Variants in PRKCE observed in about 807,000 individuals in gnomAD.
PRKCE encodes protein kinase C epsilon type.
In PRKCE, 16 loss-of-function variants were observed where a neutral mutation model predicts 85.4. That is an observed-to-expected ratio of 0.19 (90% CI 0.13 to 0.28). The LOEUF is 0.28. Ranked by LOEUF, PRKCE falls within the 10% of genes least tolerant of loss-of-function variation. The pLI, the probability that PRKCE is intolerant of heterozygous loss-of-function variation, is 1.00. For synonymous variants in PRKCE, 388 were observed against 371.5 expected (o/e 1.04, Z -0.51); for missense variants, 573 against 975.2 (o/e 0.59, Z 5.49).
intron 2 of PRKCE, among the ~76,000 whole-genome samples, chr2:45,883,472 G>A (rs1278699348): frequency 6.6e-6 from 1 of 152,224 alleles, no homozygotes; most frequent in Non-Finnish European, 1.5e-5. Flanking sequence ...TCCTAGAGGT[G>A]AGTTCCCCGT....
At chr2:45,866,640 G>A (rs998883490) in intron 2 of PRKCE, among the ~76,000 whole-genome samples, 6 of 152,234 alleles carry the variant, frequency 3.9e-5, no homozygotes, top group Non-Finnish European at 5.9e-5. Flanking sequence ...TGGCGGGGAA[G>A]CAGGCGACGG....
At chr2:45,747,716 T>C (rs6760916) in intron 1 of PRKCE, among the ~76,000 whole-genome samples, 109,687 of 152,108 alleles carry the variant, frequency 0.72, 39,837 homozygotes, top group South Asian at 0.8. Flanking sequence ...TTTGGGTACA[T>C]ACTAGAAGCA....
At chr2:45,687,971 C>A (rs1001287136) in intron 1 of PRKCE, among the ~76,000 whole-genome samples, 1 of 152,146 alleles carries the variant, frequency 6.6e-6, no homozygotes, top group African/African-American at 2.4e-5. Flanking sequence ...AGAGTTGGAG[C>A]GTTAGCACCC....
intron 1 of PRKCE, among the ~76,000 whole-genome samples, chr2:45,681,038 C>G (rs1220423022): frequency 3.3e-5 from 5 of 152,042 alleles, no homozygotes; most frequent in Non-Finnish European, 5.9e-5. Flanking sequence ...CGCCTGTAAT[C>G]CCAGCACTTT....
chr2:45,656,952 T>C (rs1255060536), intron 1 of PRKCE, among the ~76,000 whole-genome samples: 1 of 152,226 alleles, frequency 6.6e-6, no homozygotes, highest in Admixed American at 6.5e-5. Context: ...GGGATTCATG[T>C]TAGAAGCAGA....
chr2:45,784,445 G>C (rs747179201), intron 1 of PRKCE, among the ~76,000 whole-genome samples: 1 of 152,208 alleles, frequency 6.6e-6, no homozygotes, highest in Admixed American at 6.5e-5. Flanking sequence ...GGGATTTGCC[G>C]GAGAAACTTT....
At chr2:45,960,115 ATGCT>A (rs1407836697) in intron 2 of PRKCE, among the ~76,000 whole-genome samples, 1 of 152,216 alleles carries the variant, frequency 6.6e-6, no homozygotes, top group East Asian at 1.9e-4. Flanking sequence ...TACAAACAGA[ATGCT>A]TGTTTTCTGG....
At chr2:45,776,467 AT>A (rs1260374177) in intron 1 of PRKCE, among the ~76,000 whole-genome samples, 1 of 152,168 alleles carries the variant, frequency 6.6e-6, no homozygotes, top group African/African-American at 2.4e-5. Flanking sequence ...ATGAAGGTAG[AT>A]TTTTTTAGGG....
chr2:46,051,937 C>T (rs991187993), intron 10 of PRKCE, among the ~76,000 whole-genome samples: 7 of 152,232 alleles, frequency 4.6e-5, no homozygotes, highest in African/African-American at 1.2e-4. Flanking sequence ...CATCAGATCT[C>T]GTGAGAAGTC....
intron 1 of PRKCE, among the ~76,000 whole-genome samples, chr2:45,792,794 ATAAT>A (rs901309044): frequency 2.0e-5 from 3 of 152,176 alleles, no homozygotes; most frequent in African/African-American, 7.2e-5. Flanking sequence ...GGTAGGTGGT[ATAAT>A]TAATTAATTT....
chr2:45,783,393 G>T (rs890290819), intron 1 of PRKCE, among the ~76,000 whole-genome samples: 3 of 152,150 alleles, frequency 2.0e-5, no homozygotes, highest in Middle Eastern at 3.2e-3. Context: ...CCCACCGAAG[G>T]CTGCACCCTG....
intron 1 of PRKCE, among the ~76,000 whole-genome samples, chr2:45,727,870 G>C (rs1041592095): frequency 6.6e-6 from 1 of 152,088 alleles, no homozygotes; most frequent in African/African-American, 2.4e-5. Context: ...GGTCAGGCTG[G>C]TCTCAAACTC....
chr2:46,009,846 A>C (rs546555868), intron 9 of PRKCE, among the ~76,000 whole-genome samples: 1 of 152,260 alleles, frequency 6.6e-6, no homozygotes, highest in African/African-American at 2.4e-5. Context: ...TGTCTGTAAG[A>C]TAATGTTCAG....
intron 6 of PRKCE, among the ~76,000 whole-genome samples, chr2:45,988,056 C>T (rs1057403227): frequency 2.0e-5 from 3 of 152,222 alleles, no homozygotes; most frequent in African/African-American, 7.2e-5. Flanking sequence ...TGGCCCTGTT[C>T]CTGGCTTTGG....
At chr2:46,087,390 T>C (rs1669749416) in intron 11 of PRKCE, among the ~76,000 whole-genome samples, 1 of 152,180 alleles carries the variant, frequency 6.6e-6, no homozygotes, top group African/African-American at 2.4e-5. Context: ...AATCCTCCTC[T>C]GAAAGATATC....
chr2:45,916,366 A>G (rs1697779115), intron 2 of PRKCE, among the ~76,000 whole-genome samples: 1 of 151,680 alleles, frequency 6.6e-6, no homozygotes, highest in South Asian at 2.1e-4. Context: ...CAGCTTCTCA[A>G]GTAGCTGGGA....
chr2:46,040,928 T>C (rs1708181151), intron 10 of PRKCE, among the ~76,000 whole-genome samples: 1 of 152,252 alleles, frequency 6.6e-6, no homozygotes, highest in Non-Finnish European at 1.5e-5. Flanking sequence ...CTTTACCCTC[T>C]ATCTAGGTCA....
intron 1 of PRKCE, among the ~76,000 whole-genome samples, chr2:45,839,708 A>C (rs1691192831): frequency 1.3e-5 from 2 of 152,198 alleles, no homozygotes; most frequent in African/African-American, 4.8e-5. Flanking sequence ...TCAGCGGTGA[A>C]GTTGTGCCAC....
chr2:45,873,545 T>A, intron 2 of PRKCE, among the ~76,000 whole-genome samples: 2 of 152,254 alleles, frequency 1.3e-5, no homozygotes, highest in East Asian at 3.9e-4. Context: ...CCTTCTGAGA[T>A]GAACCTTCAG....
Sources: gnomAD v4.1 joint callset for allele counts (sites outside exome capture counted in the v4.1 genomes callset) on GRCh38, gnomAD v4.1.1 for gene constraint, MANE v1.5 for transcripts, NCBI Gene and HGNC (gene_info 2026-07-23, HGNC 2026-07-21) for gene names.